Variants in TET3 observed in about 807,000 individuals in gnomAD.
TET3 encodes tet methylcytosine dioxygenase 3.
TET3 carries 19 observed loss-of-function variants against 141.4 expected under a neutral mutation model. The observed-to-expected ratio is 0.13, with a 90% CI of 0.09 to 0.20. The LOEUF (loss-of-function observed/expected upper bound fraction) is 0.20, where lower values mean the gene tolerates loss of function less well. Ranked by LOEUF, TET3 falls within the 10% of genes least tolerant of loss-of-function variation. The probability of loss-of-function intolerance (pLI) is 1.00; values close to 1 mark genes in which losing one functional copy is unlikely to be tolerated. For synonymous variants in TET3, 1,043 were observed against 980.9 expected (o/e 1.06, Z -1.18); for missense variants, 1,874 against 2,356.9 (o/e 0.80, Z 4.24).
intron 2 of TET3, among the ~76,000 whole-genome samples, chr2:73,994,578 C>T (rs2105098864): frequency 1.3e-5 from 2 of 150,836 alleles, no homozygotes. Context: ...TGGTCTCTTG[C>T]TAAGATTATG....
intron 3 of TET3, among the ~76,000 whole-genome samples, chr2:74,036,144 T>C (rs1229739648): frequency 1.3e-5 from 2 of 152,222 alleles, no homozygotes; most frequent in South Asian, 2.1e-4. Flanking sequence ...CATAATAATC[T>C]TGTGAGATAG....
At chr2:74,022,094 C>CCTTTTTTTTTT (rs57671706) in intron 3 of TET3, among the ~76,000 whole-genome samples, 10 of 82,770 alleles carry the variant, frequency 1.2e-4, no homozygotes, top group Non-Finnish European at 1.8e-4. Flanking sequence ...TTCTAGGACA[C>CCTTTTTTTTTT]TTTTTTTTTT....
At chr2:74,025,951 T>A (rs997361013) in intron 3 of TET3, among the ~76,000 whole-genome samples, 4 of 151,966 alleles carry the variant, frequency 2.6e-5, no homozygotes, top group Middle Eastern at 3.4e-3. Flanking sequence ...AAAAAAATAA[T>A]AATAATAATT....
downstream of TET3, among the ~76,000 whole-genome samples, chr2:74,112,298 A>G (rs1691723418): frequency 6.6e-6 from 1 of 152,158 alleles, no homozygotes; most frequent in Admixed American, 6.5e-5. Flanking sequence ...CCTCTCAAAT[A>G]TGAAGGGTCT....
intron 4 of TET3, among the ~76,000 whole-genome samples, chr2:74,066,975 A>G (rs1243423150): frequency 2.0e-5 from 3 of 152,314 alleles, no homozygotes; most frequent in South Asian, 4.1e-4. Flanking sequence ...ACTGGAACAG[A>G]GCCCAGAAGT....
In TET3 at chr2:74,032,451, C is replaced by CTCTG. The variant is rs1686752360; in HGVS notation, c.361-13826_361-13825insCTGT. Reference sequence around the variant, plus strand: ...CAGCGGCTGCAAGAGGGGTGTGTCTCTGTGTGTGTGTGTGTGTGTGTGTGT... The same window carrying CTCTG: ...CAGCGGCTGCAAGAGGGGTGTGTCTCTCTGTGTGTGTGTGTGTGTGTGTGTGTGT... On this transcript the variant is annotated intron_variant, in intron 3 of 11. Transcript: ENST00000409262. 6.9e-5 allele frequency among the ~76,000 whole-genome samples: 5 copies of CTCTG among 71,952 alleles called. No individual in the cohort carries two copies. The East Asian group carries it at 1.3e-3, about 18-fold the overall frequency. 47.2% of individuals were successfully genotyped at this position (71,952 alleles called of 152,430 possible). A position where few individuals can be genotyped will look rare whatever the true frequency, so the allele number is the denominator to read the frequency against.
intron 4 of TET3, among the ~76,000 whole-genome samples, chr2:74,054,265 A>T (rs1688100392): frequency 6.6e-6 from 1 of 152,120 alleles, no homozygotes; most frequent in Admixed American, 6.5e-5. Flanking sequence ...TGGGCCTCTG[A>T]ACTAGAGTGA....
intron 6 of TET3, among the ~76,000 whole-genome samples, chr2:74,083,299 G>A (rs149116907): frequency 1.3e-5 from 2 of 152,356 alleles, no homozygotes; most frequent in Non-Finnish European, 2.9e-5. Flanking sequence ...AGCAAGATGG[G>A]CTCTGGGAAA....
At chr2:74,015,176 C>G (rs1685662994) in intron 3 of TET3, among the ~76,000 whole-genome samples, 10 of 152,126 alleles carry the variant, frequency 6.6e-5, no homozygotes, top group Admixed American at 6.6e-4. Context: ...TACCCTTTAT[C>G]CTAACTCCTT....
At chr2:74,060,038 G>A (rs1395276920) in intron 4 of TET3, among the ~76,000 whole-genome samples, 1 of 152,102 alleles carries the variant, frequency 6.6e-6, no homozygotes, top group African/African-American at 2.4e-5. Flanking sequence ...TGTATACTTA[G>A]GTATTTACCT....
chr2:74,046,880 G>A lies in TET3; in HGVS notation c.963G>A (p.Arg321=). ...GEAGLPAPST[R]PLLSSEVPQI... ...CCGGCCTCCCAGCACCAAGCACCAG[G>A]CCACTCCTCAGCTCAGAGGTGCCCC... The change falls in exon 4 of 12, where the codon AGG becomes AGA. Residue 321 remains arginine (R), a synonymous_variant. Transcript: ENST00000409262. This position sits in a 1 kb window ranked among gnomAD's most constrained non-coding sequence, Gnocchi z 4.3. 2 of 1,613,668 alleles carry A rather than the reference G, an allele frequency of 1.2e-6. No individual in the cohort carries two copies. The highest frequency in any genetic ancestry group is 1.7e-6 in the Non-Finnish European group (2 of 1,179,870).
chr2:74,011,996 T>C (rs1001676643), intron 3 of TET3, among the ~76,000 whole-genome samples: 4 of 152,254 alleles, frequency 2.6e-5, no homozygotes, highest in African/African-American at 7.2e-5. Flanking sequence ...GGTCTGGCCC[T>C]GCCGCCCAGG....
chr2:74,054,131 G>C (rs1688093044), intron 4 of TET3, among the ~76,000 whole-genome samples: 1 of 152,194 alleles, frequency 6.6e-6, no homozygotes, highest in South Asian at 2.1e-4. Flanking sequence ...TCATGCGGGT[G>C]TGACGGGTGT....
At chr2:73,999,679 G>A (rs1396632754) in intron 2 of TET3, among the ~76,000 whole-genome samples, 1 of 152,162 alleles carries the variant, frequency 6.6e-6, no homozygotes, top group Admixed American at 6.5e-5. Flanking sequence ...GATGGGGAGG[G>A]GAGGGACCCT....
intron 5 of TET3, among the ~76,000 whole-genome samples, chr2:74,074,094 A>G (rs527409861): frequency 6.6e-6 from 1 of 152,332 alleles, no homozygotes; most frequent in South Asian, 2.1e-4. Context: ...CCTAAGAGGA[A>G]TATAATGTCT....
intron 5 of TET3, among the ~76,000 whole-genome samples, chr2:74,076,431 A>C (rs1689506878): frequency 9.1e-6 from 1 of 110,236 alleles, no homozygotes; most frequent in African/African-American, 3.5e-5. Context: ...ATTCAGGTTC[A>C]TTCCTCTGGG....
chr2:74,109,094 T>TTGAG (rs1691641513), downstream of TET3, among the ~76,000 whole-genome samples: 1 of 152,218 alleles, frequency 6.6e-6, no homozygotes, highest in Non-Finnish European at 1.5e-5. Context: ...GCTTTCCTCC[T>TTGAG]TGAGTTGGAA....
chr2:74,034,769 G>A (rs1489378704), intron 3 of TET3, among the ~76,000 whole-genome samples: 1 of 152,086 alleles, frequency 6.6e-6, no homozygotes, highest in African/African-American at 2.4e-5. Context: ...TGATGCATGT[G>A]TACAAAGCTT....
At chr2:74,114,536 A>C in the TET3 span, among the ~76,000 whole-genome samples, 1 of 152,102 alleles carries the variant, frequency 6.6e-6, no homozygotes. Flanking sequence ...ATTTTACCAC[A>C]ATAAAATTAA....
Sources: gnomAD v4.1 joint callset for allele counts (sites outside exome capture counted in the v4.1 genomes callset) on GRCh38, gnomAD v4.1.1 for gene constraint, Gnocchi (gnomAD v3.1) non-coding constraint, MANE v1.5 for transcripts, NCBI Gene and HGNC (gene_info 2026-07-23, HGNC 2026-07-21) for gene names.